The following SCN8A variants were observed in gnomAD, a reference collection of about 807,000 sequenced individuals.
SCN8A encodes sodium voltage-gated channel alpha subunit 8.
SCN8A carries 30 observed loss-of-function variants against 184.1 expected under a neutral mutation model. The ratio of observed to expected loss-of-function variants is 0.16; its 90% CI spans 0.12 to 0.22. SCN8A has a LOEUF of 0.22. Among genes scored for constraint, SCN8A ranks in the 10% least tolerant of loss-of-function variants. SCN8A has a pLI of 1.00. For synonymous variants in SCN8A, 852 were observed against 907.0 expected (o/e 0.94, Z 1.09); for missense variants, 1,057 against 2,498.9 (o/e 0.42, Z 12.30).
chr12:51,650,488 C>T (rs1036585664), intron 1 of SCN8A, among the ~76,000 whole-genome samples: 3 of 144,558 alleles, frequency 2.1e-5, no homozygotes, highest in African/African-American at 7.6e-5. Flanking sequence ...ACGATCATGG[C>T]GGGAGGCAAA....
At chr12:51,695,474 C>T (rs1941578446) in intron 6 of SCN8A, among the ~76,000 whole-genome samples, 1 of 152,132 alleles carries the variant, frequency 6.6e-6, no homozygotes, top group South Asian at 2.1e-4. Context: ...GCAGGCTTGA[C>T]ATATCAGATT....
At chr12:51,730,254 T>C (rs1168660105) in intron 12 of SCN8A, among the ~76,000 whole-genome samples, 1 of 152,136 alleles carries the variant, frequency 6.6e-6, no homozygotes, top group African/African-American at 2.4e-5. Context: ...TGGATAGATA[T>C]CCAGTCTGTT....
In SCN8A at chr12:51,687,032, A is replaced by G. The variant is rs1026120165; in HGVS notation, c.486-59A>G. 1.8e-5 allele frequency: 29 copies of G among 1,599,468 alleles called. No homozygotes were observed. In the African/African-American group the frequency reaches 2.4e-4, roughly 13 times the overall value. Reference sequence around the variant, plus strand: ...AACACTTCAGGCAAGTGCTAACTTAAAAGGTTCATTTAAAGTTTCTGTCCA... The same window carrying G: ...AACACTTCAGGCAAGTGCTAACTTAGAAGGTTCATTTAAAGTTTCTGTCCA... On this transcript the variant is annotated intron_variant, in intron 4 of 26. Coordinates refer to ENST00000627620, the MANE Select transcript of SCN8A (RefSeq NM_001330260.2).
chr12:51,789,311 A>G lies in SCN8A; in HGVS notation c.4312A>G (p.Ile1438Val), dbSNP rs1472223706. The G allele has an allele frequency of 6.2e-7, 1 of 1,613,822 alleles. No individual in the cohort carries two copies. Among genetic ancestry groups the G allele is most frequent in the East Asian group, 2.2e-5 (1 of 44,904 alleles). Reference protein sequence around the residue: ...PDEQPKYEDNIYMYIYFVIFI... With the variant: ...PDEQPKYEDNVYMYIYFVIFI... ...TGAGCAGCCTAAGTATGAGGACAATATCTACATGTACATCTATTTTGTCAT... is the reference window on the plus strand; with the variant it reads ...TGAGCAGCCTAAGTATGAGGACAATGTCTACATGTACATCTATTTTGTCAT... The change falls in exon 24 of 27, where the codon ATC (isoleucine) becomes GTC (valine). Residue 1438 changes from isoleucine (I) to valine (V), a missense_variant. Ile to Val is a conservative substitution (Grantham distance 29). Transcript: ENST00000627620.
intron 1 of SCN8A, among the ~76,000 whole-genome samples, chr12:51,608,753 G>A (rs1939654018): frequency 6.6e-6 from 1 of 151,824 alleles, no homozygotes; most frequent in South Asian, 2.1e-4. Flanking sequence ...TCTGATTTTG[G>A]TTATTTCCTT....
intron 16 of SCN8A, among the ~76,000 whole-genome samples, chr12:51,767,785 T>G (rs376678103): frequency 8.5e-5 from 13 of 152,244 alleles, no homozygotes; most frequent in African/African-American, 2.9e-4. Flanking sequence ...CAGACCCTTA[T>G]CAATTCATGC....
chr12:51,786,790 C>T lies in SCN8A; in HGVS notation c.4191C>T (p.Asp1397=). The T allele has an allele frequency of 6.2e-7, 1 of 1,613,910 alleles. No homozygotes were observed. The highest frequency in any genetic ancestry group is 8.5e-7 in the Non-Finnish European group (1 of 1,179,876). ...IRWKNVKINF[D]NVGAGYLALL... ...GGAAGAACGTGAAGATCAACTTTGA[C>T]AATGTTGGGGCAGGATACCTGGCCC... Residue 1397 remains aspartate, a synonymous_variant, in exon 22 of 27, where the codon GAC becomes GAT. Coordinates refer to ENST00000627620, the MANE Select transcript of SCN8A (RefSeq NM_001330260.2).
intron 17 of SCN8A, 51 bp downstream of exon 17, chr12:51,769,386 G>C: frequency 3.7e-6 from 5 of 1,338,502 alleles, no homozygotes; most frequent in South Asian, 1.4e-5. Context: ...AGCAAACAGG[G>C]TGCTGTCAGC....
intron 22 of SCN8A, 64 bp from the exon 23 acceptor site, chr12:51,788,631 C>A: frequency 7.5e-7 from 1 of 1,326,570 alleles, no homozygotes; most frequent in Non-Finnish European, 1.0e-6. Context: ...CCTTTGGGAC[C>A]CCTGCCTAGA....
chr12:51,804,702 C>T (rs1938647586), intron 26 of SCN8A, among the ~76,000 whole-genome samples: 1 of 152,172 alleles, frequency 6.6e-6, no homozygotes. Context: ...TCTTGAACTC[C>T]TAGCCTCAAG....
intron 9 of SCN8A, among the ~76,000 whole-genome samples, chr12:51,703,609 AC>A (rs1941729066): frequency 6.6e-6 from 1 of 152,244 alleles, no homozygotes; most frequent in Admixed American, 6.5e-5. Context: ...GTTGGGCTAC[AC>A]TGGTGACTCT....
chr12:51,764,154 A>G, intron 15 of SCN8A, among the ~76,000 whole-genome samples: 1 of 152,220 alleles, frequency 6.6e-6, no homozygotes, highest in East Asian at 1.9e-4. Flanking sequence ...ATAGGGTAAC[A>G]CCTGGTAAAT....
At chr12:51,772,145 C>T (rs1942934123) in intron 19 of SCN8A, among the ~76,000 whole-genome samples, 1 of 152,092 alleles carries the variant, frequency 6.6e-6, no homozygotes, top group Non-Finnish European at 1.5e-5. Context: ...GCCTTAATCC[C>T]AGCACTGTGG....
chr12:51,747,260 A>C (rs1001691007), intron 13 of SCN8A, among the ~76,000 whole-genome samples: 1 of 152,212 alleles, frequency 6.6e-6, no homozygotes, highest in Admixed American at 6.5e-5. Context: ...AAGTAAAAAA[A>C]TGAATTAACT....
intron 20 of SCN8A, among the ~76,000 whole-genome samples, chr12:51,775,837 AAC>A (rs1312846796): frequency 6.6e-6 from 1 of 152,166 alleles, no homozygotes; most frequent in Non-Finnish European, 1.5e-5. Context: ...TGTGATTTGA[AAC>A]AGAGCTTCCC....
At chr12:51,636,298 G>C (rs1940316969) in intron 1 of SCN8A, among the ~76,000 whole-genome samples, 2 of 152,116 alleles carry the variant, frequency 1.3e-5, no homozygotes, top group South Asian at 4.1e-4. Flanking sequence ...GCCTGGCCGA[G>C]TATTTGTTTT....
chr12:51,742,466 G>A (rs1221869507), intron 12 of SCN8A, among the ~76,000 whole-genome samples: 2 of 152,024 alleles, frequency 1.3e-5, no homozygotes, highest in African/African-American at 4.8e-5. Context: ...GCCGGATATA[G>A]TGTTCTAGGG....
At chr12:51,680,754 C>T (rs1941316074) in intron 2 of SCN8A, among the ~76,000 whole-genome samples, 2 of 152,120 alleles carry the variant, frequency 1.3e-5, no homozygotes, top group African/African-American at 4.8e-5. Context: ...TTAATCCCAG[C>T]CCTTTGGGAG....
chr12:51,603,317 T>C (rs1441581639), intron 1 of SCN8A, among the ~76,000 whole-genome samples: 1 of 152,234 alleles, frequency 6.6e-6, no homozygotes, highest in Admixed American at 6.5e-5. Flanking sequence ...CATAATACTT[T>C]GGAGATTTAA....
Sources: gnomAD v4.1 joint callset for allele counts (sites outside exome capture counted in the v4.1 genomes callset) on GRCh38, gnomAD v4.1.1 for gene constraint, MANE v1.5 for transcripts, NCBI Gene and HGNC (gene_info 2026-07-23, HGNC 2026-07-21) for gene names.